KMT2C: variants seen among roughly 807,000 people sequenced by gnomAD.
KMT2C encodes the protein lysine methyltransferase 2C.
A neutral mutation model predicts 507.9 loss-of-function variants in KMT2C; 88 were observed. The observed-to-expected ratio is 0.17, with a 90% CI of 0.15 to 0.21. The LOEUF is 0.21. Among genes scored for constraint, KMT2C ranks in the 10% least tolerant of loss-of-function variants. The probability of loss-of-function intolerance (pLI) is 1.00; values close to 1 mark genes in which losing one functional copy is unlikely to be tolerated. For missense variants in KMT2C, 4,954 were observed against 5,957.8 expected (o/e 0.83, Z 5.55); for synonymous variants, 2,049 against 2,080.8 (o/e 0.98, Z 0.42).
intron 9 of KMT2C, among the ~76,000 whole-genome samples, chr7:152,255,130 T>C (rs868132229): frequency 1.1e-3 from 141 of 123,186 alleles, no homozygotes; most frequent in African/African-American, 1.5e-3. Flanking sequence ...TATATATATA[T>C]ATATATATAT....
chr7:152,386,001 G>T (rs1415092451), intron 1 of KMT2C, among the ~76,000 whole-genome samples: 3 of 151,588 alleles, frequency 2.0e-5, no homozygotes, highest in African/African-American at 7.3e-5. Context: ...GGCAGGAGAA[G>T]TGCTTGAACC....
chr7:152,220,437 T>G (rs2094729715), intron 23 of KMT2C, 86 bp downstream of exon 23: 3 of 1,040,162 alleles, frequency 2.9e-6, no homozygotes, highest in Admixed American at 4.0e-5. Flanking sequence ...GATTTACCCT[T>G]TGGTAAATCA....
At chr7:152,154,891 G>A (rs766269779) in intron 46 of KMT2C, 1 of 155,024 alleles carries the variant, frequency 6.5e-6, no homozygotes, top group Non-Finnish European at 1.4e-5. Flanking sequence ...CATATGCAAT[G>A]GTCACACCTG....
chr7:152,253,514 CAAAAAAAAAA>C (rs71198770), intron 9 of KMT2C, among the ~76,000 whole-genome samples: 39 of 39,512 alleles, frequency 9.9e-4, no homozygotes, highest in South Asian at 2.6e-3. Flanking sequence ...TCTTTCTCTA[CAAAAAAAAAA>C]AAAAAAAAAA....
At chr7:152,262,306 C>G (rs189097083) in intron 9 of KMT2C, among the ~76,000 whole-genome samples, 56 of 152,298 alleles carry the variant, frequency 3.7e-4, no homozygotes, top group Admixed American at 3.3e-3. Flanking sequence ...AGGAAAAACC[C>G]GCTCCAGGCC....
chr7:152,146,234 A>C (rs1222944924), intron 53 of KMT2C, among the ~76,000 whole-genome samples: 4 of 152,158 alleles, frequency 2.6e-5, no homozygotes, highest in Non-Finnish European at 4.4e-5. Context: ...TAAATACCCA[A>C]GTGTCAGGAA....
rs200146683 is a variant in KMT2C at position 152,384,539 on chromosome 7, A to C, written c.162-25864T>G. Among the ~76,000 whole-genome samples the C allele has an allele frequency of 6.7e-4, 9 of 13,466 alleles. No homozygotes were observed. In the South Asian group the frequency reaches 0.013, roughly 19 times the overall value. The allele number at this position is 13,466 out of a possible 152,430, so 8.8% of individuals were successfully genotyped here. A position where few individuals can be genotyped will look rare whatever the true frequency, so the allele number is the denominator to read the frequency against. ...AAATGCCTCTGCTATATTATCCCCC[A>C]TGTGCATAACACCACCACCACCACC... On this transcript the variant is annotated intron_variant, in intron 1 of 58. Transcript: ENST00000262189.
intron 2 of KMT2C, among the ~76,000 whole-genome samples, chr7:152,342,579 T>G (rs1456617697): frequency 2.0e-5 from 3 of 152,196 alleles, no homozygotes; most frequent in Non-Finnish European, 4.4e-5. Flanking sequence ...ACAACTTACC[T>G]GAGCAGAAAC....
In KMT2C at chr7:152,152,896, C is replaced by T. The variant is rs780029434; in HGVS notation, c.12335G>A (p.Ser4112Asn). 6.2e-7 allele frequency: 1 copy of T among 1,614,060 alleles called. No individual in the cohort carries two copies. Among genetic ancestry groups the T allele is most frequent in the African/African-American group, 1.3e-5 (1 of 74,910 alleles). ...SDLLHVRIPN[S>N]YEVSSAPDVP... ...ATCTGGAGCACTGCTAACCTCATAG[C>T]TGTTAGGGATTCGGACGTGAAGAAG... Residue 4112 changes from serine (S) to asparagine (N), a missense_variant, in exon 49 of 59, where the codon AGC (serine) becomes AAC (asparagine). Physicochemically the swap from Ser to Asn is conservative, Grantham distance 46. This residue lies in a region of KMT2C where 417 missense variants were observed against 461.1 expected (regional missense o/e 0.90). Coordinates refer to ENST00000262189, the MANE Select transcript of KMT2C (RefSeq NM_170606.3).
intron 3 of KMT2C, among the ~76,000 whole-genome samples, chr7:152,319,955 G>C (rs2096757195): frequency 1.3e-5 from 2 of 151,868 alleles, no homozygotes; most frequent in South Asian, 4.2e-4. Flanking sequence ...CCTTTGTCTT[G>C]TATCCAATAC....
chr7:152,213,394 A>T (rs1366651784), intron 23 of KMT2C, among the ~76,000 whole-genome samples: 4 of 152,224 alleles, frequency 2.6e-5, no homozygotes, highest in Admixed American at 1.3e-4. Flanking sequence ...CTGAATACAG[A>T]GCCCAAAAAT....
intron 52 of KMT2C, among the ~76,000 whole-genome samples, chr7:152,147,707 C>CAAAAAAAAAAAAAAAAAAAAAA (rs762588729): frequency 4.3e-5 from 2 of 46,736 alleles, no homozygotes; most frequent in Admixed American, 2.2e-4. Flanking sequence ...AACTCCGTCT[C>CAAAAAAAAAAAAAAAAAAAAAA]AAAAAAAAAA....
intron 7 of KMT2C, among the ~76,000 whole-genome samples, chr7:152,272,112 A>G (rs1010518692): frequency 1.1e-4 from 16 of 152,098 alleles, no homozygotes; most frequent in African/African-American, 3.9e-4. Context: ...CCATAAGTCT[A>G]TTTTGGAAAA....
intron 1 of KMT2C, among the ~76,000 whole-genome samples, chr7:152,418,536 T>C (rs1415534475): frequency 6.6e-6 from 1 of 152,120 alleles, no homozygotes; most frequent in Non-Finnish European, 1.5e-5. Context: ...ATTCCAGCGA[T>C]TCTCCTGCCT....
At chr7:152,429,205 A>C (rs1388731134) in intron 1 of KMT2C, among the ~76,000 whole-genome samples, 1 of 152,218 alleles carries the variant, frequency 6.6e-6, no homozygotes. Context: ...ATCCCAGGAC[A>C]TATTTAGCAC....
chr7:152,327,220 T>C (rs1257803416), intron 3 of KMT2C, among the ~76,000 whole-genome samples: 1 of 152,260 alleles, frequency 6.6e-6, no homozygotes, highest in African/African-American at 2.4e-5. Flanking sequence ...GACCTATTCT[T>C]TTCCACTGAT....
chr7:152,397,173 G>A (rs910911724), intron 1 of KMT2C, among the ~76,000 whole-genome samples: 3 of 151,426 alleles, frequency 2.0e-5, no homozygotes, highest in Non-Finnish European at 4.4e-5. Context: ...AAATCCTTTA[G>A]CAGATCTTAC....
intron 6 of KMT2C, among the ~76,000 whole-genome samples, chr7:152,296,969 A>G (rs982147869): frequency 7.9e-6 from 1 of 127,028 alleles, no homozygotes; most frequent in Non-Finnish European, 1.8e-5. Flanking sequence ...GTGAAATCCC[A>G]TCACCACTAA....
chr7:152,136,790 TC>T lies in KMT2C; in HGVS notation c.*41del. 1 of 1,408,026 alleles carries T rather than the reference TC, an allele frequency of 7.1e-7. No individual in the cohort carries two copies. Among genetic ancestry groups the T allele is most frequent in the Non-Finnish European group, 1.0e-6 (1 of 993,388 alleles). 87.2% of individuals were successfully genotyped at this position (1,408,026 alleles called of 1,614,324 possible). On this transcript the variant is annotated 3_prime_UTR_variant, in exon 59 of 59. Transcript: ENST00000262189. ...TCCAATGGTGTGTTGAATCGCCTCT[TC>T]CTAGGGACAAGCCGCCCGCTGAGCT...
Sources: allele counts gnomAD v4.1 joint callset (sites outside exome capture counted in the v4.1 genomes callset), GRCh38; gene constraint gnomAD v4.1.1; regional missense constraint gnomAD v4.1.1; transcripts MANE v1.5; gene names NCBI Gene and HGNC (gene_info 2026-07-23, HGNC 2026-07-21).